Variants in FANCA observed in about 807,000 individuals in gnomAD.
FANCA encodes the protein Fanconi anemia group A protein.
A neutral mutation model predicts 194.3 loss-of-function variants in FANCA; 236 were observed. The observed-to-expected ratio is 1.21, with a 90% CI of 1.09 to 1.35. The LOEUF (loss-of-function observed/expected upper bound fraction) is 1.35, where lower values mean the gene tolerates loss of function less well. FANCA is among the 40% of genes most tolerant of loss of function. The pLI is 0.00. For synonymous variants in FANCA, 1,014 were observed against 715.8 expected (o/e 1.42, Z -6.65); for missense variants, 2,628 against 1,813.9 (o/e 1.45, Z -8.15).
chr16:89,780,678 C>T (rs972553596), intron 17 of FANCA, among the ~76,000 whole-genome samples: 1 of 151,390 alleles, frequency 6.6e-6, no homozygotes, highest in South Asian at 2.1e-4. Context: ...TCTGTAATCC[C>T]AGCATTTTGG....
rs1453544572 is a variant in FANCA, at chr16:89,770,678, G to C, written c.2152-44C>G. The C allele has an allele frequency of 7.2e-6, 11 of 1,532,630 alleles. No homozygotes were observed. The East Asian group carries it at 2.6e-4, about 37-fold the overall frequency. The allele number at this position is 1,532,630 out of a possible 1,614,324, so 94.9% of individuals were successfully genotyped here. On this transcript the variant is annotated intron_variant, in intron 23 of 42. Transcript: ENST00000389301. ...CATGAGCGTGGTGTCCTGGGGACGG[G>C]AGCAGCAGGAAGGAAGCCGGCCAGC...
chr16:89,749,677 G>C, intron 32 of FANCA, 53 bp downstream of exon 32: 1 of 1,582,286 alleles, frequency 6.3e-7, no homozygotes, highest in Non-Finnish European at 8.6e-7. Context: ...ACCGTCATGA[G>C]ATGCTGCCCT....
chr16:89,798,733 G>C, intron 10 of FANCA: 1 of 1,347,974 alleles, frequency 7.4e-7, no homozygotes, highest in Non-Finnish European at 9.6e-7. Flanking sequence ...AATCTGAGCA[G>C]GATCTGTGGA....
At chr16:89,769,491 C>A (rs2039247257) in intron 26 of FANCA, among the ~76,000 whole-genome samples, 1 of 152,160 alleles carries the variant, frequency 6.6e-6, no homozygotes, top group African/African-American at 2.4e-5. Flanking sequence ...AAGAACCTGA[C>A]CAGAGGGAGC....
In FANCA at chr16:89,738,561, T is replaced by C. The variant is rs2062026896; in HGVS notation, c.*40A>G. On this transcript the variant is annotated 3_prime_UTR_variant, in exon 43 of 43. Coordinates refer to ENST00000389301, the MANE Select transcript of FANCA (RefSeq NM_000135.4). ...TCCATGTTATGCTTGTAATAAATTA[T>C]TTACACGGGAGCTGGGCTGGTGTGC... is the stretch of plus-strand genomic sequence containing the variant. 3 of 1,612,258 alleles carry C rather than the reference T, an allele frequency of 1.9e-6. No homozygotes were observed. In the African/African-American group the frequency reaches 4.0e-5, roughly 21 times the overall value.
intron 14 of FANCA, among the ~76,000 whole-genome samples, chr16:89,787,141 C>G (rs1313395430): frequency 6.6e-6 from 1 of 152,218 alleles, no homozygotes. Context: ...AAAAATTACA[C>G]TTAATGGCTG....
intron 42 of FANCA, 43 bp from the exon 43 acceptor site, chr16:89,738,751 G>A: frequency 6.2e-7 from 1 of 1,612,718 alleles, no homozygotes; most frequent in Non-Finnish European, 8.5e-7. Flanking sequence ...CGCCCACTAG[G>A]CCTCAGACCA....
chr16:89,796,471 G>A (rs1300694759), intron 10 of FANCA, among the ~76,000 whole-genome samples: 1 of 152,138 alleles, frequency 6.6e-6, no homozygotes, highest in African/African-American at 2.4e-5. Flanking sequence ...GTCACAACAG[G>A]GACTGAGGCC....
chr16:89,785,853 G>GT (rs370594051), intron 14 of FANCA, among the ~76,000 whole-genome samples: 1,205 of 113,130 alleles, frequency 0.011, 118 homozygotes, highest in South Asian at 0.015. Flanking sequence ...GCAAAATTGT[G>GT]TTTTGTTTTT....
Position 89,758,603 on chromosome 16 carries a change from G to C in FANCA, c.2955C>G (p.Val985=), listed in dbSNP as rs777912379. 4 of 1,613,824 alleles carry C rather than the reference G, an allele frequency of 2.5e-6. No homozygotes were observed. The highest frequency in any genetic ancestry group is 1.7e-5 in the Admixed American group (1 of 59,992). ...GDLQAACTIL[V]NALMDFHQSS... Reference sequence around the variant, plus strand: ...TTTGGTGGAAATCCATCAGTGCGTTGACAAGAATGGTACACGCAGCCTGCA... The same window carrying C: ...TTTGGTGGAAATCCATCAGTGCGTTCACAAGAATGGTACACGCAGCCTGCA... Residue 985 remains valine (V), a synonymous_variant, in exon 30 of 43, where the codon GTC becomes GTG. Transcript: ENST00000389301.
chr16:89,745,770 A>T (rs112725587), intron 35 of FANCA, among the ~76,000 whole-genome samples: 1 of 148,302 alleles, frequency 6.7e-6, no homozygotes, highest in Admixed American at 6.7e-5. Context: ...GCTGGGAACG[A>T]AACAGTGAAG....
chr16:89,799,091 T>TAA (rs2040350795), intron 10 of FANCA, 75 bp downstream of exon 10: 15 of 1,614,176 alleles, frequency 9.3e-6, no homozygotes, highest in Non-Finnish European at 1.3e-5. Flanking sequence ...TGGAAGTGTT[T>TAA]AAAATATCTT....
chr16:89,746,494 G>C, intron 35 of FANCA, 90 bp downstream of exon 35: 1 of 1,023,448 alleles, frequency 9.8e-7, no homozygotes, highest in Non-Finnish European at 1.5e-6. Context: ...TAACACCCGT[G>C]ATGGAGACGT....
rs1159267877 is a variant in FANCA at position 89,771,769 on chromosome 16, A to G, written c.2060T>C (p.Val687Ala). The change falls in exon 23 of 43, where the codon GTC (valine) becomes GCC (alanine). Residue 687 changes from valine (V) to alanine (A), a missense_variant. Transcript: ENST00000389301. Reference sequence around the variant, plus strand: ...GCTGTCATCCTCATTGTGGCCCAGGACAGCCCTCAGTCTTTCAGAAATCAC... The same window carrying G: ...GCTGTCATCCTCATTGTGGCCCAGGGCAGCCCTCAGTCTTTCAGAAATCAC... ...VAVISERLRAVLGHNEDDSSV... is the reference protein window; with the variant it reads ...VAVISERLRAALGHNEDDSSV... 6.2e-7 allele frequency: 1 copy of G among 1,613,966 alleles called. No homozygotes were observed. Among genetic ancestry groups the G allele is most frequent in the African/African-American group, 1.3e-5 (1 of 74,906 alleles).
At chr16:89,778,731 G>A (rs2039600875) in intron 20 of FANCA, 70 bp downstream of exon 20, 3 of 1,401,938 alleles carry the variant, frequency 2.1e-6, no homozygotes, top group Non-Finnish European at 3.0e-6. Flanking sequence ...CTCTACAGAA[G>A]ATCCACAATT....
At chr16:89,804,561 G>A (rs539838287) in intron 7 of FANCA, among the ~76,000 whole-genome samples, 8 of 151,410 alleles carry the variant, frequency 5.3e-5, no homozygotes, top group Admixed American at 4.0e-4. Context: ...ACTCTGGTCC[G>A]AGCCATCCTC....
rs1220130648 is a variant in FANCA, at chr16:89,740,623, G to A, written c.3828+181C>T. 4 of 600,734 alleles carry A rather than the reference G, an allele frequency of 6.7e-6. No homozygotes were observed. In the East Asian group the frequency reaches 1.2e-4, roughly 18 times the overall value. 37.2% of individuals were successfully genotyped at this position (600,734 alleles called of 1,614,324 possible). A position where few individuals can be genotyped will look rare whatever the true frequency, so the allele number is the denominator to read the frequency against. On this transcript the variant is annotated intron_variant, in intron 38 of 42. Transcript: ENST00000389301. ...TGCACTCCAGCCTGGGTGACAGAGT[G>A]AGACCCCCATCTCAAAAAAAAAAAA...
At chr16:89,781,902 G>GAA (rs72283108) in intron 17 of FANCA, among the ~76,000 whole-genome samples, 1 of 56,736 alleles carries the variant, frequency 1.8e-5, no homozygotes, top group Non-Finnish European at 2.9e-5. Context: ...GGCTACTCGG[G>GAA]AGGCTGAGGC....
chr16:89,758,742 G>C (rs753901473), intron 29 of FANCA, 37 bp from the exon 30 acceptor site: 3 of 1,610,404 alleles, frequency 1.9e-6, no homozygotes, highest in Non-Finnish European at 2.5e-6. Flanking sequence ...TCTGAGAAAT[G>C]CTTCGTGGCC....
Sources: gnomAD v4.1 joint callset for allele counts (sites outside exome capture counted in the v4.1 genomes callset) on GRCh38, gnomAD v4.1.1 for gene constraint, MANE v1.5 for transcripts, NCBI Gene and HGNC (gene_info 2026-07-23, HGNC 2026-07-21) for gene names.